The following CADPS variants were observed in gnomAD, a reference collection of about 807,000 sequenced individuals.
CADPS encodes the protein calcium dependent secretion activator, also known as calcium-dependent secretion activator 1.
Under a neutral mutation model 167.3 loss-of-function variants are expected in CADPS, and 57 were observed. The ratio of observed to expected loss-of-function variants is 0.34; its 90% CI spans 0.28 to 0.42. CADPS has a LOEUF of 0.42. CADPS is among the 20% of genes least tolerant of loss of function. CADPS has a pLI of 1.00. For synonymous variants in CADPS, 676 were observed against 635.3 expected (o/e 1.06, Z -0.96); for missense variants, 1,414 against 1,738.1 (o/e 0.81, Z 3.32).
At chr3:62,728,196 A>G (rs912105218) in intron 3 of CADPS, among the ~76,000 whole-genome samples, 12 of 151,758 alleles carry the variant, frequency 7.9e-5, no homozygotes, top group Admixed American at 2.0e-4. Context: ...TTTTGCACCA[A>G]TCTAATAAAT....
Position 62,832,760 on chromosome 3 carries a change from C to T in CADPS, c.441+41829G>A, listed in dbSNP as rs1428062352. Among the ~76,000 whole-genome samples, 3 of 152,334 alleles carry T rather than the reference C, an allele frequency of 2.0e-5. No individual in the cohort carries two copies. The East Asian group carries it at 5.8e-4, about 29-fold the overall frequency. ...TAAATGTAAGAACACAAGCTGCTGC[C>T]GCTGAGGCGTTGCCTCACGTGATGG... On this transcript the variant is annotated intron_variant, in intron 1 of 29. Coordinates refer to ENST00000383710, the MANE Select transcript of CADPS (RefSeq NM_003716.4).
chr3:62,516,025 T>A, intron 16 of CADPS, 34 bp downstream of exon 16: 1 of 1,611,458 alleles, frequency 6.2e-7, no homozygotes, highest in Non-Finnish European at 8.5e-7. Context: ...TATCAAAATT[T>A]AAATTCAAAA....
At position 62,412,300 on chromosome 3, in the gene CADPS, G is replaced by A. The variant is rs1026512414; in HGVS notation, c.3778-9115C>T. Reference sequence around the variant, plus strand: ...TCCCTGAGGACTCACTGACGGAGGAGTCTGAGACAACGTGCTACAACCAGT... The same window carrying A: ...TCCCTGAGGACTCACTGACGGAGGAATCTGAGACAACGTGCTACAACCAGT... On this transcript the variant is annotated intron_variant, in intron 28 of 29. Transcript: ENST00000383710. This position sits in a 1 kb window ranked among gnomAD's most constrained non-coding sequence, Gnocchi z 4.1. Among the ~76,000 whole-genome samples, 2 of 133,264 alleles carry A rather than the reference G, an allele frequency of 1.5e-5. No homozygotes were observed. Among genetic ancestry groups the A allele is most frequent in the African/African-American group, 5.5e-5 (2 of 36,566 alleles). The allele number at this position is 133,264 out of a possible 152,430, so 87.4% of individuals were successfully genotyped here.
At chr3:62,450,242 C>T (rs2057841988) in intron 26 of CADPS, among the ~76,000 whole-genome samples, 1 of 152,234 alleles carries the variant, frequency 6.6e-6, no homozygotes, top group African/African-American at 2.4e-5. Flanking sequence ...AACTCACCCT[C>T]TAAATGTTGA....
chr3:62,464,961 T>C (rs1243506588), intron 26 of CADPS, among the ~76,000 whole-genome samples: 1 of 152,178 alleles, frequency 6.6e-6, no homozygotes, highest in Admixed American at 6.5e-5. Context: ...GTGAGGACCA[T>C]ATAAAACATA....
chr3:62,437,541 G>T (rs1030459756), intron 28 of CADPS, among the ~76,000 whole-genome samples: 2 of 151,966 alleles, frequency 1.3e-5, no homozygotes, highest in Admixed American at 1.3e-4. Flanking sequence ...GGTGGGCAGG[G>T]GGCGCCATGG....
At chr3:62,684,173 C>T (rs2077589614) in intron 3 of CADPS, among the ~76,000 whole-genome samples, 1 of 151,946 alleles carries the variant, frequency 6.6e-6, no homozygotes, top group Admixed American at 6.6e-5. Flanking sequence ...TGTCTCCTTC[C>T]TAATTTATTA....
intron 28 of CADPS, among the ~76,000 whole-genome samples, chr3:62,409,400 C>T (rs1436232796): frequency 6.6e-6 from 1 of 152,222 alleles, no homozygotes; most frequent in African/African-American, 2.4e-5. Flanking sequence ...AGAGCCTGAG[C>T]TTGGCTTGGT....
chr3:62,476,649 C>T (rs1224140686), intron 23 of CADPS, among the ~76,000 whole-genome samples: 1 of 152,136 alleles, frequency 6.6e-6, no homozygotes, highest in Non-Finnish European at 1.5e-5. Context: ...ATAAGAGTCC[C>T]TATCCACCTG....
chr3:62,409,711 T>C (rs1269254165), intron 28 of CADPS, among the ~76,000 whole-genome samples: 9 of 152,228 alleles, frequency 5.9e-5, no homozygotes, highest in Admixed American at 6.5e-5. Context: ...ATCACAATGA[T>C]TGAATATTCC....
chr3:62,481,462 T>G (rs2062004756), intron 22 of CADPS, among the ~76,000 whole-genome samples: 1 of 152,196 alleles, frequency 6.6e-6, no homozygotes, highest in Non-Finnish European at 1.5e-5. Flanking sequence ...AGAATCCTTT[T>G]GCAAAAGAAT....
intron 1 of CADPS, among the ~76,000 whole-genome samples, chr3:62,862,267 G>T (rs2080950330): frequency 6.7e-6 from 1 of 150,288 alleles, no homozygotes; most frequent in African/African-American, 2.5e-5. Flanking sequence ...GCCAGTCTGG[G>T]GTGCTGTGAT....
At chr3:62,495,202 G>A (rs2064500728) in intron 18 of CADPS, among the ~76,000 whole-genome samples, 1 of 152,106 alleles carries the variant, frequency 6.6e-6, no homozygotes, top group Admixed American at 6.5e-5. Context: ...TGAACCAAGA[G>A]AATTTAAATT....
chr3:62,405,460 A>AAAAAAT (rs1559952363), intron 28 of CADPS, among the ~76,000 whole-genome samples: 3 of 150,574 alleles, frequency 2.0e-5, no homozygotes, highest in Non-Finnish European at 1.5e-5. Context: ...AAAAAAAAAA[A>AAAAAAT]AAAATAAAAT....
chr3:62,445,856 C>A lies in CADPS; in HGVS notation c.3637-59G>T, dbSNP rs372476109. ...GGTGTTTATGTTTAATTGTTCACTG[C>A]TCAATGCTGTATCCCCATCAGAATC... On this transcript the variant is annotated intron_variant, in intron 26 of 29. Transcript: ENST00000383710. 60 of 1,223,878 alleles carry A rather than the reference C, an allele frequency of 4.9e-5. No individual in the cohort carries two copies. In the African/African-American group the frequency reaches 8.3e-4, roughly 17 times the overall value. The allele number at this position is 1,223,878 out of a possible 1,614,324, so 75.8% of individuals were successfully genotyped here.
intron 1 of CADPS, among the ~76,000 whole-genome samples, chr3:62,777,248 T>C (rs12330173): frequency 0.045 from 6,816 of 152,252 alleles, 518 homozygotes; most frequent in African/African-American, 0.15. Context: ...ATGTACAGGT[T>C]ATATGTGACG....
intron 28 of CADPS, among the ~76,000 whole-genome samples, chr3:62,408,207 C>T (rs988741921): frequency 3.9e-5 from 6 of 152,138 alleles, no homozygotes; most frequent in Admixed American, 6.5e-5. Flanking sequence ...CTCTAACATT[C>T]GGGTTCACCA....
chr3:62,492,873 C>T (rs2063976695), intron 19 of CADPS, among the ~76,000 whole-genome samples: 1 of 152,152 alleles, frequency 6.6e-6, no homozygotes, highest in Admixed American at 6.5e-5. Flanking sequence ...TTATTGTTCA[C>T]TTATATCTAC....
chr3:62,663,308 G>C (rs997642675), intron 3 of CADPS, among the ~76,000 whole-genome samples: 5 of 152,096 alleles, frequency 3.3e-5, no homozygotes, highest in African/African-American at 1.2e-4. Context: ...TATTCTAATA[G>C]AATTTTATTT....
Sources: gnomAD v4.1 joint callset for allele counts (sites outside exome capture counted in the v4.1 genomes callset) on GRCh38, gnomAD v4.1.1 for gene constraint, Gnocchi (gnomAD v3.1) non-coding constraint, MANE v1.5 for transcripts, NCBI Gene and HGNC (gene_info 2026-07-23, HGNC 2026-07-21) for gene names.